Variants in ATXN1 observed in about 807,000 individuals in gnomAD.
ATXN1 encodes the protein ataxin 1, also known as ataxin-1.
Under a neutral mutation model 56.4 loss-of-function variants are expected in ATXN1, and 8 were observed. The observed-to-expected ratio is 0.14, with a 90% CI of 0.08 to 0.26. The LOEUF (loss-of-function observed/expected upper bound fraction) is 0.26, where lower values mean the gene tolerates loss of function less well. Ranked by LOEUF, ATXN1 falls within the 10% of genes least tolerant of loss-of-function variation. The pLI is 1.00. For synonymous variants in ATXN1, 514 were observed against 494.6 expected (o/e 1.04, Z -0.52); for missense variants, 987 against 1,106.5 (o/e 0.89, Z 1.53).
intron 6 of ATXN1, among the ~76,000 whole-genome samples, chr6:16,463,082 A>G (rs1760032194): frequency 6.6e-6 from 1 of 152,200 alleles, no homozygotes; most frequent in Non-Finnish European, 1.5e-5. Context: ...ATGGGAAAAT[A>G]GAGCACAGGG....
intron 2 of ATXN1, among the ~76,000 whole-genome samples, chr6:16,721,439 C>A (rs1759743723): frequency 6.6e-6 from 1 of 152,050 alleles, no homozygotes; most frequent in Non-Finnish European, 1.5e-5. Context: ...CCAGCCTGGG[C>A]AACATAGTGA....
intron 5 of ATXN1, among the ~76,000 whole-genome samples, chr6:16,499,595 T>C (rs1025420464): frequency 4.6e-5 from 7 of 152,204 alleles, no homozygotes; most frequent in African/African-American, 1.4e-4. Flanking sequence ...TGTGCCCCTC[T>C]AGTGAACAGC....
At chr6:16,721,192 G>T (rs1385852592) in intron 2 of ATXN1, among the ~76,000 whole-genome samples, 1 of 152,182 alleles carries the variant, frequency 6.6e-6, no homozygotes, top group African/African-American at 2.4e-5. Context: ...GTCTCATGCC[G>T]AGCAATTTCT....
At chr6:16,536,655 G>A (rs1252865633) in intron 4 of ATXN1, among the ~76,000 whole-genome samples, 1 of 152,090 alleles carries the variant, frequency 6.6e-6, no homozygotes, top group East Asian at 1.9e-4. Flanking sequence ...CTCTTTTACA[G>A]AAAACTGCCC....
intron 6 of ATXN1, among the ~76,000 whole-genome samples, chr6:16,421,991 C>T (rs1759046609): frequency 6.6e-6 from 1 of 152,118 alleles, no homozygotes; most frequent in Non-Finnish European, 1.5e-5. Context: ...ATCCCAGGAC[C>T]TGGTGCAAAG....
chr6:16,451,865 C>A (rs1310865172), intron 6 of ATXN1, among the ~76,000 whole-genome samples: 1 of 152,006 alleles, frequency 6.6e-6, no homozygotes, highest in Non-Finnish European at 1.5e-5. Context: ...TTCACAAAAA[C>A]AAGTTGTTTA....
intron 6 of ATXN1, among the ~76,000 whole-genome samples, chr6:16,473,476 G>A (rs753394110): frequency 3.3e-5 from 5 of 152,172 alleles, no homozygotes; most frequent in Non-Finnish European, 7.4e-5. Context: ...GGTCAGAGAA[G>A]CATTTTGAGA....
At chr6:16,592,973 T>C (rs1289403181) in intron 3 of ATXN1, among the ~76,000 whole-genome samples, 1 of 152,208 alleles carries the variant, frequency 6.6e-6, no homozygotes, top group Non-Finnish European at 1.5e-5. Flanking sequence ...TCCCCATGAT[T>C]GGTTACTTTT....
chr6:16,428,089 C>T (rs1759195009), intron 6 of ATXN1, among the ~76,000 whole-genome samples: 1 of 149,752 alleles, frequency 6.7e-6, no homozygotes, highest in Non-Finnish European at 1.5e-5. Flanking sequence ...ATGGACAAGA[C>T]ATGGCCTCTT....
intron 6 of ATXN1, among the ~76,000 whole-genome samples, chr6:16,364,078 A>G (rs1267340309): frequency 6.6e-6 from 1 of 152,224 alleles, no homozygotes; most frequent in Non-Finnish European, 1.5e-5. Context: ...TGTCCAGTTC[A>G]TTAAGTTCAA....
chr6:16,674,746 G>A (rs1235887981), intron 2 of ATXN1, among the ~76,000 whole-genome samples: 1 of 152,024 alleles, frequency 6.6e-6, no homozygotes, highest in African/African-American at 2.4e-5. Context: ...GCACAGTGTA[G>A]ACCAAAGAGA....
intron 4 of ATXN1, among the ~76,000 whole-genome samples, chr6:16,562,038 C>A (rs1173611503): frequency 1.3e-5 from 2 of 152,004 alleles, no homozygotes; most frequent in Non-Finnish European, 2.9e-5. Flanking sequence ...ATGATCAGAG[C>A]AGTAGAGGGT....
intron 5 of ATXN1, among the ~76,000 whole-genome samples, chr6:16,507,424 G>T (rs551734498): frequency 6.6e-6 from 1 of 152,308 alleles, no homozygotes; most frequent in South Asian, 2.1e-4. Context: ...GAATACGCCA[G>T]ACAAGTATTT....
chr6:16,316,011 A>G (rs1229884230), intron 7 of ATXN1, among the ~76,000 whole-genome samples: 1 of 151,954 alleles, frequency 6.6e-6, no homozygotes, highest in African/African-American at 2.4e-5. Context: ...GGGATCCCCA[A>G]CCCCCAGGCA....
chr6:16,388,838 C>A (rs2113517966), intron 6 of ATXN1, among the ~76,000 whole-genome samples: 1 of 152,278 alleles, frequency 6.6e-6, no homozygotes, highest in Middle Eastern at 3.4e-3. Flanking sequence ...CATAGGCTTG[C>A]TGCAAAGATA....
At chr6:16,439,304 C>CA in intron 6 of ATXN1, among the ~76,000 whole-genome samples, 1 of 134,390 alleles carries the variant, frequency 7.4e-6, no homozygotes, top group East Asian at 2.4e-4. Context: ...AAAGTTATAA[C>CA]AAGCCAATTT....
intron 6 of ATXN1, among the ~76,000 whole-genome samples, chr6:16,425,736 G>A (rs185551230): frequency 1.3e-5 from 2 of 152,154 alleles, no homozygotes; most frequent in African/African-American, 4.8e-5. Flanking sequence ...TGGGAGAAAG[G>A]GGATGGGACC....
At chr6:16,537,964 A>G (rs934383634) in intron 4 of ATXN1, among the ~76,000 whole-genome samples, 2 of 152,076 alleles carry the variant, frequency 1.3e-5, no homozygotes, top group African/African-American at 4.8e-5. Flanking sequence ...TTAGCCAGGC[A>G]TGGTGGCAGA....
intron 6 of ATXN1, among the ~76,000 whole-genome samples, chr6:16,428,464 T>TGTG (rs1759206028): frequency 6.6e-6 from 1 of 150,754 alleles, no homozygotes; most frequent in Non-Finnish European, 1.5e-5. Flanking sequence ...CAAAAGTAAT[T>TGTG]GTGGTTTTTG....
Sources: allele counts gnomAD v4.1 joint callset (sites outside exome capture counted in the v4.1 genomes callset), GRCh38; gene constraint gnomAD v4.1.1; transcripts MANE v1.5; gene names NCBI Gene and HGNC (gene_info 2026-07-23, HGNC 2026-07-21).